AGMO: variants seen among roughly 807,000 people sequenced by gnomAD.
AGMO encodes the protein alkylglycerol monooxygenase.
A neutral mutation model predicts 60.2 loss-of-function variants in AGMO; 75 were observed. The observed-to-expected ratio is 1.25, with a 90% CI of 1.03 to 1.51. AGMO has a LOEUF of 1.51. AGMO is among the 40% of genes most tolerant of loss of function. The pLI is 0.00. For synonymous variants in AGMO, 261 were observed against 177.1 expected (o/e 1.47, Z -3.76); for missense variants, 763 against 525.5 (o/e 1.45, Z -4.42).
rs530229539 is a variant in AGMO, at chr7:15,358,581, C to T, written c.1263+6933G>A. The T allele has an allele frequency of 1.7e-5, 5 of 296,134 alleles. No individual in the cohort carries two copies. The East Asian group carries it at 2.9e-4, about 17-fold the overall frequency. 18.3% of individuals were successfully genotyped at this position (296,134 alleles called of 1,614,324 possible). On this transcript the variant is annotated intron_variant, in intron 12 of 12. Coordinates refer to ENST00000342526, the MANE Select transcript of AGMO (RefSeq NM_001004320.2). ...GGATTTTCTGCACTCCAAACTCAGTCCCTCCCCAAGATAAAAAGACCTTAA... is the reference window on the plus strand; with the variant it reads ...GGATTTTCTGCACTCCAAACTCAGTTCCTCCCCAAGATAAAAAGACCTTAA...
chr7:15,273,441 A>C lies in AGMO; in HGVS notation c.1264-72082T>G, dbSNP rs149387836. Among the ~76,000 whole-genome samples, 45 of 149,346 alleles carry C rather than the reference A, an allele frequency of 3.0e-4. No homozygotes were observed. The East Asian group carries it at 8.6e-3, about 28-fold the overall frequency. On this transcript the variant is annotated intron_variant, in intron 12 of 12. Coordinates refer to ENST00000342526, the MANE Select transcript of AGMO (RefSeq NM_001004320.2). ...TTGTCAAAGATCAGATGGTTGTGTG[A>C]TATTATTTCTGAGGGCTTTGTTTTG...
chr7:15,391,533 C>T (rs1784139152), intron 6 of AGMO, among the ~76,000 whole-genome samples: 1 of 151,990 alleles, frequency 6.6e-6, no homozygotes, highest in Non-Finnish European at 1.5e-5. Context: ...TAATGATATC[C>T]ACATGACTGT....
At chr7:15,393,158 A>AG in intron 6 of AGMO, among the ~76,000 whole-genome samples, 1 of 152,316 alleles carries the variant, frequency 6.6e-6, no homozygotes, top group Admixed American at 6.5e-5. Context: ...TGAGTTTGGA[A>AG]GAGGAAACCG....
intron 10 of AGMO, among the ~76,000 whole-genome samples, chr7:15,377,699 C>A (rs1417512071): frequency 6.6e-6 from 1 of 151,954 alleles, no homozygotes; most frequent in Non-Finnish European, 1.5e-5. Context: ...ACACAGATGA[C>A]CCTGGCTTTT....
chr7:15,383,803 G>T (rs142968537), intron 10 of AGMO, among the ~76,000 whole-genome samples: 2 of 151,632 alleles, frequency 1.3e-5, no homozygotes, highest in East Asian at 1.9e-4. Context: ...TTTTTTTCCC[G>T]GATTGTTGTA....
At chr7:15,310,160 A>G (rs1019669143) in intron 12 of AGMO, among the ~76,000 whole-genome samples, 1 of 152,156 alleles carries the variant, frequency 6.6e-6, no homozygotes, top group Non-Finnish European at 1.5e-5. Context: ...CTTTAAATAG[A>G]TCAAGTTTGG....
chr7:15,223,235 T>G (rs1376721289), intron 12 of AGMO, among the ~76,000 whole-genome samples: 7 of 151,972 alleles, frequency 4.6e-5, no homozygotes, highest in Non-Finnish European at 8.8e-5. Context: ...CTGTTACTTC[T>G]GACTTGATCA....
At chr7:15,482,275 A>G (rs1782776124) in intron 3 of AGMO, among the ~76,000 whole-genome samples, 1 of 152,144 alleles carries the variant, frequency 6.6e-6, no homozygotes, top group Non-Finnish European at 1.5e-5. Context: ...AAGGCTGTCT[A>G]AGAAAATATA....
the AGMO span, among the ~76,000 whole-genome samples, chr7:15,194,648 A>C: frequency 6.6e-6 from 1 of 152,208 alleles, no homozygotes; most frequent in Non-Finnish European, 1.5e-5. Context: ...TATGCAAATT[A>C]TATGTTTAGC....
intron 3 of AGMO, among the ~76,000 whole-genome samples, chr7:15,516,169 A>G (rs1406543900): frequency 6.6e-6 from 1 of 152,190 alleles, no homozygotes; most frequent in Non-Finnish European, 1.5e-5. Flanking sequence ...TAATGAAATT[A>G]TTGGAAGTAG....
the AGMO span, among the ~76,000 whole-genome samples, chr7:15,157,754 G>A: frequency 5.9e-4 from 90 of 152,228 alleles, no homozygotes; most frequent in African/African-American, 1.9e-3. Flanking sequence ...CTTATTTCTC[G>A]ACCTTATTTC....
chr7:15,358,537 C>T, intron 12 of AGMO: 1 of 413,028 alleles, frequency 2.4e-6, no homozygotes, highest in South Asian at 1.8e-5. Flanking sequence ...TCCAGGGATT[C>T]CCTTCTTAGA....
chr7:15,553,546 C>G lies in AGMO; in HGVS notation c.257+6595G>C, dbSNP rs1785037170. Among the ~76,000 whole-genome samples, 3 of 151,892 alleles carry G rather than the reference C, an allele frequency of 2.0e-5. No individual in the cohort carries two copies. The South Asian group carries it at 6.2e-4, about 32-fold the overall frequency. On this transcript the variant is annotated intron_variant, in intron 2 of 12. Transcript: ENST00000342526. Reference sequence around the variant, plus strand: ...CAAGACACAAGAACACACTATTAAACAGGGCAAATGCCACCAGCCTTATAA... The same window carrying G: ...CAAGACACAAGAACACACTATTAAAGAGGGCAAATGCCACCAGCCTTATAA...
chr7:15,246,666 T>C (rs1482308021), intron 12 of AGMO, among the ~76,000 whole-genome samples: 1 of 152,176 alleles, frequency 6.6e-6, no homozygotes, highest in East Asian at 1.9e-4. Flanking sequence ...AATATCATAT[T>C]CCTTCATAAT....
chr7:15,297,667 A>ACCC (rs918639014), intron 12 of AGMO, among the ~76,000 whole-genome samples: 1 of 152,070 alleles, frequency 6.6e-6, no homozygotes, highest in Admixed American at 6.6e-5. Context: ...TAACTAGCAT[A>ACCC]CCCCCCTTCC....
intron 3 of AGMO, among the ~76,000 whole-genome samples, chr7:15,459,503 C>A (rs1251241129): frequency 6.6e-6 from 1 of 151,778 alleles, no homozygotes; most frequent in Non-Finnish European, 1.5e-5. Context: ...CATCAAAGGT[C>A]CTGGAATGAA....
rs115353721 is a variant in AGMO at position 15,371,846 on chromosome 7, A to G, written c.1075-5624T>C. Among the ~76,000 whole-genome samples the G allele has an allele frequency of 5.3e-3, 802 of 152,252 alleles. 11 individuals carry two copies. Among genetic ancestry groups the G allele is most frequent in the African/African-American group, 0.018 (756 of 41,550 alleles). ...AGCCACCACACCTCATCTAATACCA[A>G]TATTTTATATTCCTCAAACTTTAAA... On this transcript the variant is annotated intron_variant, in intron 10 of 12. Coordinates refer to ENST00000342526, the MANE Select transcript of AGMO (RefSeq NM_001004320.2).
At chr7:15,270,008 C>T (rs1783547636) in intron 12 of AGMO, among the ~76,000 whole-genome samples, 2 of 152,110 alleles carry the variant, frequency 1.3e-5, no homozygotes, top group South Asian at 4.1e-4. Flanking sequence ...ATCCAGTCAA[C>T]CACTGATGGG....
chr7:15,431,060 T>C lies in AGMO; in HGVS notation c.458A>G (p.Asp153Gly), dbSNP rs749048978. Reference protein sequence around the residue: ...AGHQTHHSSEDYNLSTALRQS... With the variant: ...AGHQTHHSSEGYNLSTALRQS... ...TCTCAGTGCTGTGGATAAGTTATAG[T>C]CTTCAGAACTATGATGTGTTTGGTG... Residue 153 changes from aspartate to glycine, a missense_variant, in exon 4 of 13, where the codon GAC (aspartate) becomes GGC (glycine). Transcript: ENST00000342526. The C allele has an allele frequency of 3.1e-6, 5 of 1,611,614 alleles. No individual in the cohort carries two copies. In the South Asian group the frequency reaches 5.5e-5, roughly 18 times the overall value.
Sources: allele counts gnomAD v4.1 joint callset (sites outside exome capture counted in the v4.1 genomes callset), GRCh38; gene constraint gnomAD v4.1.1; transcripts MANE v1.5; gene names NCBI Gene and HGNC (gene_info 2026-07-23, HGNC 2026-07-21).